Variants in CCDC50 observed in about 807,000 individuals in gnomAD.
CCDC50 encodes coiled-coil domain-containing protein 50.
In CCDC50, 54 loss-of-function variants were observed where a neutral mutation model predicts 70.2. The observed-to-expected ratio is 0.77, with a 90% CI of 0.62 to 0.96. The LOEUF is 0.96. CCDC50 is among the 50% of genes least tolerant of loss of function. The pLI is 0.00. For synonymous variants in CCDC50, 216 were observed against 198.8 expected (o/e 1.09, Z -0.73); for missense variants, 558 against 578.7 (o/e 0.96, Z 0.37).
chr3:191,383,242 T>A (rs1713379296), intron 10 of CCDC50, among the ~76,000 whole-genome samples: 1 of 152,174 alleles, frequency 6.6e-6, no homozygotes, highest in South Asian at 2.1e-4. Flanking sequence ...TGAGTCTCAG[T>A]GTCCTTGACA....
At chr3:191,383,963 A>G (rs1011587783) in intron 10 of CCDC50, among the ~76,000 whole-genome samples, 1 of 152,164 alleles carries the variant, frequency 6.6e-6, no homozygotes, top group African/African-American at 2.4e-5. Context: ...TAGTCAAATG[A>G]ATTTAAATCA....
At chr3:191,336,227 A>C (rs928161482) in intron 1 of CCDC50, among the ~76,000 whole-genome samples, 9 of 151,994 alleles carry the variant, frequency 5.9e-5, no homozygotes, top group African/African-American at 2.2e-4. Flanking sequence ...TGCATGTTAA[A>C]ATTGTCAAAC....
chr3:191,370,701 C>G (rs763610391), intron 5 of CCDC50, among the ~76,000 whole-genome samples: 5 of 151,926 alleles, frequency 3.3e-5, no homozygotes, highest in Non-Finnish European at 5.9e-5. Context: ...GTTGGCCAGG[C>G]TGGTCTTGAA....
intron 10 of CCDC50, among the ~76,000 whole-genome samples, chr3:191,387,361 A>G (rs1713530888): frequency 6.6e-6 from 1 of 152,198 alleles, no homozygotes; most frequent in South Asian, 2.1e-4. Context: ...TGAGAACGGT[A>G]GGAAACAGGC....
chr3:191,332,951 T>G (rs1283469099), intron 1 of CCDC50, among the ~76,000 whole-genome samples: 1 of 152,230 alleles, frequency 6.6e-6, no homozygotes, highest in Non-Finnish European at 1.5e-5. Flanking sequence ...CTTTACCACT[T>G]TTAGCCATGC....
chr3:191,332,675 CAT>C (rs917950618), intron 1 of CCDC50, among the ~76,000 whole-genome samples: 2 of 152,162 alleles, frequency 1.3e-5, no homozygotes, highest in Admixed American at 1.3e-4. Flanking sequence ...GAGCTGGAAA[CAT>C]ATTTTTGTAA....
chr3:191,363,820 GAGA>G (rs935002612), intron 4 of CCDC50, among the ~76,000 whole-genome samples: 17 of 152,204 alleles, frequency 1.1e-4, no homozygotes, highest in African/African-American at 4.1e-4. Context: ...TGCCTCAGAT[GAGA>G]AGATGGCTAC....
At chr3:191,332,926 T>C (rs1308495231) in intron 1 of CCDC50, among the ~76,000 whole-genome samples, 2 of 152,244 alleles carry the variant, frequency 1.3e-5, no homozygotes, top group Non-Finnish European at 2.9e-5. Context: ...CTTTGCAATT[T>C]CTTAAGCATT....
intron 10 of CCDC50, among the ~76,000 whole-genome samples, chr3:191,384,038 G>A (rs1713408953): frequency 6.6e-6 from 1 of 152,064 alleles, no homozygotes; most frequent in Non-Finnish European, 1.5e-5. Flanking sequence ...ACCATTGACA[G>A]CATATATGAT....
rs1416746695 is a variant in CCDC50 at position 191,375,278 on chromosome 3, A to G, written c.665A>G (p.Gln222Arg). 1.2e-6 allele frequency: 2 copies of G among 1,613,758 alleles called. No homozygotes were observed. Among genetic ancestry groups the G allele is most frequent in the Non-Finnish European group, 1.7e-6 (2 of 1,179,786 alleles). The change falls in exon 6 of 12, where the codon CAG (glutamine) becomes CGG (arginine). Residue 222 changes from glutamine to arginine, a missense_variant. Transcript: ENST00000392455. ...GRDNPHINNE[Q>R]HERKRSTQER... Reference sequence around the variant, plus strand: ...GACAATCCCCATATTAACAATGAGCAGCATGAAAGGAAACGGTCCACTCAG... The same window carrying G: ...GACAATCCCCATATTAACAATGAGCGGCATGAAAGGAAACGGTCCACTCAG...
chr3:191,350,348 A>T (rs1475593763), intron 1 of CCDC50, among the ~76,000 whole-genome samples: 1 of 142,074 alleles, frequency 7.0e-6, no homozygotes, highest in Non-Finnish European at 1.6e-5. Flanking sequence ...AAAGCAGAGT[A>T]TATAGTCCCT....
intron 1 of CCDC50, among the ~76,000 whole-genome samples, chr3:191,331,762 C>G (rs1315572438): frequency 1.3e-5 from 2 of 152,146 alleles, no homozygotes; most frequent in Non-Finnish European, 2.9e-5. Context: ...TAATATAACT[C>G]TTAATTATGG....
rs148559780 is a variant in CCDC50, at chr3:191,384,746, T to C, written c.1322+1921T>C. Among the ~76,000 whole-genome samples, 1,064 of 152,108 alleles carry C rather than the reference T, an allele frequency of 7.0e-3. 8 individuals are homozygous for C. Among genetic ancestry groups the C allele is most frequent in the Middle Eastern group, 0.017 (5 of 294 alleles). On this transcript the variant is annotated intron_variant, in intron 10 of 11. Coordinates refer to ENST00000392455, the MANE Select transcript of CCDC50 (RefSeq NM_178335.3). ...AAGGGTATATTGTGTGGTACTGAGGTTTGTACTTTTATTGATCTTGTCACC... is the reference window on the plus strand; with the variant it reads ...AAGGGTATATTGTGTGGTACTGAGGCTTGTACTTTTATTGATCTTGTCACC...
intron 8 of CCDC50, 42 bp from the exon 9 acceptor site, chr3:191,380,786 C>T: frequency 1.2e-6 from 2 of 1,606,894 alleles, no homozygotes; most frequent in South Asian, 2.2e-5. Flanking sequence ...ATATTTCTAT[C>T]TGCACCTCTG....
chr3:191,344,946 C>G (rs987377138), intron 1 of CCDC50, among the ~76,000 whole-genome samples: 1 of 152,184 alleles, frequency 6.6e-6, no homozygotes, highest in Non-Finnish European at 1.5e-5. Flanking sequence ...CTCAAATCCT[C>G]ACATCCTCAA....
chr3:191,361,204 C>A, intron 4 of CCDC50, 45 bp downstream of exon 4: 1 of 1,439,044 alleles, frequency 6.9e-7, no homozygotes, highest in Non-Finnish European at 9.8e-7. Context: ...GAAAGGGGTG[C>A]TCAGCTTTAG....
chr3:191,389,507 C>T lies in CCDC50; in HGVS notation c.1334C>T (p.Pro445Leu). Reference protein sequence around the residue: ...KNERPARPPPPIMTDGEDADY... With the variant: ...KNERPARPPPLIMTDGEDADY... ...TGGATTCCTTTTAGGCCACCACCAC[C>T]TATCATGACAGATGGTGAAGATGCG... is the stretch of plus-strand genomic sequence containing the variant. The change falls in exon 11 of 12, where the codon CCT (proline) becomes CTT (leucine). Residue 445 changes from proline to leucine, a missense_variant. Coordinates refer to ENST00000392455, the MANE Select transcript of CCDC50 (RefSeq NM_178335.3). 1 of 1,614,002 alleles carries T rather than the reference C, an allele frequency of 6.2e-7. No individual in the cohort carries two copies. Among genetic ancestry groups the T allele is most frequent in the South Asian group, 1.1e-5 (1 of 91,084 alleles).
In CCDC50 at chr3:191,396,753, GC is replaced by G. The variant is rs1713872806; in HGVS notation, c.*4994del. 6.6e-6 allele frequency: 1 copy of G among 152,150 alleles called. No homozygotes were observed. The highest frequency in any genetic ancestry group is 2.4e-5 in the African/African-American group (1 of 41,446). The allele number at this position is 152,150 out of a possible 1,614,324, so 9.4% of individuals were successfully genotyped here. A position where few individuals can be genotyped will look rare whatever the true frequency, so the allele number is the denominator to read the frequency against. ...CTGTTTTATTACTTATAAGAGAAAA[GC>G]AGGAAAACTTTTGCTTTGATAAGAA... On this transcript the variant is annotated 3_prime_UTR_variant, in exon 12 of 12. Coordinates refer to ENST00000392455, the MANE Select transcript of CCDC50 (RefSeq NM_178335.3).
chr3:191,353,941 T>C (rs1465759218), intron 1 of CCDC50, among the ~76,000 whole-genome samples: 1 of 152,142 alleles, frequency 6.6e-6, no homozygotes, highest in African/African-American at 2.4e-5. Context: ...CAGGGACAAA[T>C]TGCAATAATA....
Sources: gnomAD v4.1 joint callset for allele counts (sites outside exome capture counted in the v4.1 genomes callset) on GRCh38, gnomAD v4.1.1 for gene constraint, MANE v1.5 for transcripts, NCBI Gene and HGNC (gene_info 2026-07-23, HGNC 2026-07-21) for gene names.